NEMF: variants seen among roughly 807,000 people sequenced by gnomAD.
The protein encoded by NEMF is nuclear export mediator factor.
NEMF carries 89 observed loss-of-function variants against 162.2 expected under a neutral mutation model. The ratio of observed to expected loss-of-function variants is 0.55; its 90% confidence interval spans 0.46 to 0.65. NEMF has a LOEUF of 0.65. Ranked by LOEUF, NEMF falls within the 30% of genes least tolerant of loss-of-function variation. NEMF has a pLI of 0.00. For missense variants in NEMF, 1,133 were observed against 1,261.9 expected (o/e 0.90, Z 1.55); for synonymous variants, 421 against 404.5 (o/e 1.04, Z -0.49).
At chr14:49,801,581 C>T (rs1003971553) in intron 22 of NEMF, 1 of 151,914 alleles carries the variant, frequency 6.6e-6, no homozygotes, top group Non-Finnish European at 1.5e-5. Flanking sequence ...TGCAGCACAA[C>T]AGTAATAGTA....
chr14:49,838,092 C>T (rs757163481), intron 6 of NEMF, 47 bp downstream of exon 6: 2 of 1,439,670 alleles, frequency 1.4e-6, no homozygotes, highest in African/African-American at 2.8e-5. Context: ...TTCCTGAAAA[C>T]CACACTGCCT....
Position 49,800,580 on chromosome 14 carries a change from G to C in NEMF, c.2212C>G (p.Leu738Val), listed in dbSNP as rs756506472. 1.2e-6 allele frequency: 2 copies of C among 1,613,836 alleles called. No individual in the cohort carries two copies. The highest frequency in any genetic ancestry group is 1.7e-6 in the Non-Finnish European group (2 of 1,179,958). Residue 738 changes from leucine (L) to valine (V), a missense_variant, in exon 23 of 33, where the codon CTA becomes GTA. Coordinates refer to ENST00000298310, the MANE Select transcript of NEMF (RefSeq NM_004713.6). ...TCTTCCTGAATGAGCTCCTCATTTAGTTCATCTCTGCCACTCTGAAGAGTG... is the reference window on the plus strand; with the variant it reads ...TCTTCCTGAATGAGCTCCTCATTTACTTCATCTCTGCCACTCTGAAGAGTG... Reference protein sequence around the residue: ...DITLQSGRDELNEELIQEESS... With the variant: ...DITLQSGRDEVNEELIQEESS...
chr14:49,832,320 C>A, intron 8 of NEMF, 43 bp from the exon 9 acceptor site: 2 of 1,267,646 alleles, frequency 1.6e-6, no homozygotes, highest in Admixed American at 2.3e-5. Flanking sequence ...TCATAATTAA[C>A]AAAGATTTAC....
chr14:49,793,203 A>G (rs1051246687), intron 26 of NEMF, among the ~76,000 whole-genome samples: 2 of 152,108 alleles, frequency 1.3e-5, no homozygotes, highest in African/African-American at 4.8e-5. Context: ...AGTCACTGCA[A>G]AAAAAAACAT....
chr14:49,802,753 C>T (rs1594745504), intron 20 of NEMF, 26 bp from the exon 21 acceptor site: 1 of 1,556,406 alleles, frequency 6.4e-7, no homozygotes, highest in East Asian at 2.2e-5. Context: ...TACATTAATG[C>T]TTTGAAAATC....
At chr14:49,842,814 C>T (rs565675209) in intron 4 of NEMF, among the ~76,000 whole-genome samples, 1 of 152,072 alleles carries the variant, frequency 6.6e-6, no homozygotes, top group African/African-American at 2.4e-5. Flanking sequence ...CAAGACCAGA[C>T]TGGCCAACAT....
At chr14:49,825,835 A>T in intron 16 of NEMF, 32 bp downstream of exon 16, 1 of 1,397,040 alleles carries the variant, frequency 7.2e-7, no homozygotes. Flanking sequence ...AATAAAAACA[A>T]AAACTGTATT....
At chr14:49,795,324 A>G (rs1890640827) in intron 26 of NEMF, among the ~76,000 whole-genome samples, 1 of 123,432 alleles carries the variant, frequency 8.1e-6, no homozygotes, top group Non-Finnish European at 1.6e-5. Context: ...TGGGTGACAG[A>G]GCAAGACTAT....
At chr14:49,844,147 C>G (rs928394931) in intron 4 of NEMF, among the ~76,000 whole-genome samples, 1 of 151,754 alleles carries the variant, frequency 6.6e-6, no homozygotes, top group Admixed American at 6.6e-5. Flanking sequence ...AGTCCCCAGC[C>G]TTTGGCACCA....
chr14:49,785,195 A>C, intron 30 of NEMF, 25 bp downstream of exon 30: 1 of 1,606,456 alleles, frequency 6.2e-7, no homozygotes, highest in Non-Finnish European at 8.5e-7. Flanking sequence ...CACAAAAGCC[A>C]TTCTGTCAAC....
At chr14:49,808,472 G>A (rs1213444744) in intron 18 of NEMF, among the ~76,000 whole-genome samples, 1 of 152,134 alleles carries the variant, frequency 6.6e-6, no homozygotes, top group Non-Finnish European at 1.5e-5. Context: ...ACCGTGCCGG[G>A]CTGAATTAAG....
intron 4 of NEMF, chr14:49,845,905 T>C: frequency 5.7e-6 from 3 of 523,452 alleles, no homozygotes; most frequent in Non-Finnish European, 1.0e-5. Flanking sequence ...CAGATCTTCA[T>C]CTCCTACATT....
chr14:49,806,298 G>GTTGT (rs1891214337), intron 18 of NEMF, among the ~76,000 whole-genome samples, 165 bp from the exon 19 acceptor site: 1 of 89,564 alleles, frequency 1.1e-5, no homozygotes, highest in Non-Finnish European at 2.1e-5. Flanking sequence ...GTTTCGCTCT[G>GTTGT]TTGTTCTGGC....
chr14:49,821,943 CTT>C (rs1892084150), intron 16 of NEMF, among the ~76,000 whole-genome samples: 1 of 152,050 alleles, frequency 6.6e-6, no homozygotes, highest in Non-Finnish European at 1.5e-5. Context: ...ACATGGGAGA[CTT>C]TTCATTTTGT....
rs780442972 is a variant in NEMF at position 49,799,207 on chromosome 14, C to CAAAAAAAAAAA, written c.2465+257_2465+267dup. On this transcript the variant is annotated intron_variant, in intron 25 of 32. Transcript: ENST00000298310. The stretch of plus-strand genomic sequence containing the variant: ...TGGGCAACAAAGCGAGACCCTGTTT[C>CAAAAAAAAAAA]AAAAAAAAAAAAAAAAAAAAAAAAA... 3.9e-4 allele frequency among the ~76,000 whole-genome samples: 23 copies of CAAAAAAAAAAA among 59,060 alleles called. 1 individual carries two copies. The highest frequency in any genetic ancestry group is 6.9e-4 in the Admixed American group (2 of 2,898). The allele number at this position is 59,060 out of a possible 152,430, so 38.7% of individuals were successfully genotyped here. A position where few individuals can be genotyped will look rare whatever the true frequency, so the allele number is the denominator to read the frequency against.
At chr14:49,824,939 T>A (rs961056) in intron 16 of NEMF, among the ~76,000 whole-genome samples, 8,162 of 152,208 alleles carry the variant, frequency 0.054, 233 homozygotes, top group African/African-American at 0.059. Context: ...AATATAAAAT[T>A]AAGTAAGTCA....
intron 6 of NEMF, 77 bp from the exon 7 acceptor site, chr14:49,834,526 T>C (rs916819678): frequency 2.8e-6 from 3 of 1,057,302 alleles, no homozygotes; most frequent in East Asian, 2.5e-5. Flanking sequence ...GATGGAGTTT[T>C]ACCCGTCGCC....
At position 49,850,041 on chromosome 14, in the gene NEMF, G is replaced by A. The variant is rs79660626; in HGVS notation, c.231+1522C>T. Among the ~76,000 whole-genome samples the A allele has an allele frequency of 4.5e-3, 683 of 152,222 alleles. 33 individuals are homozygous for A. In the East Asian group the frequency reaches 0.098, roughly 22 times the overall value. On this transcript the variant is annotated intron_variant, in intron 3 of 32. Transcript: ENST00000298310. ...ATAACAGATACATTGCCAAAGTAAG[G>A]AGCGGAGCAGGAAGGAAATGAACAT...
intron 14 of NEMF, 64 bp from the exon 15 acceptor site, chr14:49,828,418 T>C (rs561156641): frequency 1.2e-5 from 14 of 1,123,922 alleles, no homozygotes; most frequent in Non-Finnish European, 1.8e-5. Flanking sequence ...TCTACTTAGT[T>C]CTAACTTGAC....
Sources: allele counts gnomAD v4.1 joint callset (sites outside exome capture counted in the v4.1 genomes callset), GRCh38; gene constraint gnomAD v4.1.1; transcripts MANE v1.5; gene names NCBI Gene and HGNC (gene_info 2026-07-23, HGNC 2026-07-21).